The following NRSN2 variants were observed in gnomAD, a reference collection of about 807,000 sequenced individuals.
The protein encoded by NRSN2 is neurensin-2.
In NRSN2, 10 loss-of-function variants were observed where a neutral mutation model predicts 11.1. The observed-to-expected ratio is 0.90, with a 90% confidence interval of 0.56 to 1.53. The LOEUF is 1.53. Ranked by LOEUF, NRSN2 falls within the 40% of genes most tolerant of loss-of-function variation. The probability of loss-of-function intolerance (pLI) is 0.00; values close to 1 mark genes in which losing one functional copy is unlikely to be tolerated. For synonymous variants in NRSN2, 100 were observed against 117.0 expected (o/e 0.86, Z 0.94); for missense variants, 260 against 273.7 (o/e 0.95, Z 0.35).
chr20:349,636 AG>A lies in NRSN2; in HGVS notation c.-4del. 2 of 1,607,816 alleles carry A rather than the reference AG, an allele frequency of 1.2e-6. No homozygotes were observed. The highest frequency in any genetic ancestry group is 1.1e-5 in the South Asian group (1 of 90,772). ...GTCAGCTGCACCTTACCTGCTCCCC[AG>A]GGGTCCATGATGCCGAGCTGCAATC... On this transcript the variant is annotated splice_acceptor_variant, in intron 3 of 4. Transcript: ENST00000382285. LOFTEE classifies it low-confidence loss of function (5UTR_SPLICE).
chr20:351,448 C>T (rs1044797358), intron 4 of NRSN2, among the ~76,000 whole-genome samples: 12 of 152,204 alleles, frequency 7.9e-5, no homozygotes, highest in African/African-American at 2.6e-4. Context: ...CCAGGAGGAT[C>T]GTTTGAGCCC....
intron 2 of NRSN2, among the ~76,000 whole-genome samples, chr20:348,968 T>C (rs545028340): frequency 5.3e-5 from 8 of 152,252 alleles, no homozygotes; most frequent in African/African-American, 7.2e-5. Context: ...TCAAAATTCA[T>C]TGGAATCTGG....
intron 4 of NRSN2, 38 bp downstream of exon 4, chr20:349,870 T>G (rs113248010): frequency 6.4e-7 from 1 of 1,563,218 alleles, no homozygotes; most frequent in African/African-American, 1.4e-5. Flanking sequence ...TTCCTCTGCC[T>G]TGATGGAGGA....
chr20:349,829 G>T lies in NRSN2; in HGVS notation c.186G>T (p.Trp62Cys), dbSNP rs1166140234. 21 of 1,612,670 alleles carry T rather than the reference G, an allele frequency of 1.3e-5. No homozygotes were observed. The highest frequency in any genetic ancestry group is 1.8e-5 in the Non-Finnish European group (21 of 1,179,688). The change falls in exon 4 of 5, where the codon TGG becomes TGT. Residue 62 changes from tryptophan (W) to cysteine (C), a missense_variant. Coordinates refer to ENST00000382285, the MANE Select transcript of NRSN2 (RefSeq NM_001323682.2). ...GCCGGCCCTGGCCCTCACTGTGTTG[G>T]AAGGTAAGGCCAGATGAGCACCTCC... ...CPRRPWPSLC[W>C]KISLSSGTLL...
intron 2 of NRSN2, among the ~76,000 whole-genome samples, chr20:348,602 T>G (rs1014672387): frequency 1.3e-5 from 2 of 150,908 alleles, no homozygotes; most frequent in African/African-American, 2.4e-5. Flanking sequence ...TTCGGTGAGT[T>G]TCTCTATGCA....
At chr20:349,423 C>T (rs1453559977) in intron 3 of NRSN2, 60 bp downstream of exon 3, 1 of 463,432 alleles carries the variant, frequency 2.2e-6, no homozygotes, top group African/African-American at 2.0e-5. Flanking sequence ...TTGCCAGGCA[C>T]TGGGCTAAGG....
At chr20:352,121 C>T (rs897488652) in intron 4 of NRSN2, among the ~76,000 whole-genome samples, 1 of 152,180 alleles carries the variant, frequency 6.6e-6, no homozygotes, top group South Asian at 2.1e-4. Context: ...AGGTTCATCT[C>T]ACTTAAATCT....
intron 4 of NRSN2, among the ~76,000 whole-genome samples, chr20:350,082 G>C (rs947267775): frequency 6.6e-6 from 1 of 152,200 alleles, no homozygotes; most frequent in Non-Finnish European, 1.5e-5. Flanking sequence ...GCTCATGCCT[G>C]TAATCCCAGC....
chr20:352,873 A>G (rs2014079628), intron 4 of NRSN2, among the ~76,000 whole-genome samples: 1 of 152,172 alleles, frequency 6.6e-6, no homozygotes, highest in East Asian at 1.9e-4. Flanking sequence ...GAGGTTTGAG[A>G]TGAGATCTGA....
chr20:350,689 G>GA (rs1323693591), intron 4 of NRSN2, among the ~76,000 whole-genome samples: 4 of 144,476 alleles, frequency 2.8e-5, no homozygotes, highest in African/African-American at 1.0e-4. Context: ...AAAAAGAAGG[G>GA]AAAATGTTGC....
chr20:352,602 T>C (rs1400313709), intron 4 of NRSN2, among the ~76,000 whole-genome samples: 2 of 152,248 alleles, frequency 1.3e-5, no homozygotes, highest in Non-Finnish European at 2.9e-5. Flanking sequence ...GTTTATTTAA[T>C]CATTCAGCAA....
Position 353,849 on chromosome 20 carries a change from TC to T in NRSN2, c.*216del. ...GCATTCCTCAAGTCCTCCCAAAACTTCCTACCCACACCCTCTTCCCAAGGCC... is the reference window on the plus strand; with the variant it reads ...GCATTCCTCAAGTCCTCCCAAAACTTCTACCCACACCCTCTTCCCAAGGCC... On this transcript the variant is annotated 3_prime_UTR_variant, in exon 5 of 5. Coordinates refer to ENST00000382285, the MANE Select transcript of NRSN2 (RefSeq NM_001323682.2). 3.5e-6 allele frequency: 2 copies of T among 568,686 alleles called. No homozygotes were observed. The highest frequency in any genetic ancestry group is 6.1e-6 in the Non-Finnish European group (2 of 325,862). 35.2% of individuals were successfully genotyped at this position (568,686 alleles called of 1,614,324 possible).
chr20:349,456 G>C (rs1055021875), intron 3 of NRSN2, 93 bp downstream of exon 3: 1 of 549,122 alleles, frequency 1.8e-6, no homozygotes, highest in Non-Finnish European at 3.2e-6. Context: ...TGGCTCATTC[G>C]CAGTGTGCTT....
intron 4 of NRSN2, among the ~76,000 whole-genome samples, chr20:352,697 A>G (rs1179255301): frequency 6.6e-6 from 1 of 152,238 alleles, no homozygotes; most frequent in Non-Finnish European, 1.5e-5. Context: ...GTCTGCTCTC[A>G]TGGAGCTCTC....
chr20:350,860 C>T (rs932521782), intron 4 of NRSN2, among the ~76,000 whole-genome samples: 3 of 151,988 alleles, frequency 2.0e-5, no homozygotes, highest in Admixed American at 1.3e-4. Flanking sequence ...AGACTCTCCC[C>T]ACATGTTCCC....
chr20:353,948 C>T lies in NRSN2; in HGVS notation c.*313C>T, dbSNP rs1484073657. 7.8e-6 allele frequency: 3 copies of T among 383,838 alleles called. No individual in the cohort carries two copies. Among genetic ancestry groups the T allele is most frequent in the African/African-American group, 2.1e-5 (1 of 47,224 alleles). The allele number at this position is 383,838 out of a possible 1,614,324, so 23.8% of individuals were successfully genotyped here. On this transcript the variant is annotated 3_prime_UTR_variant, in exon 5 of 5. Coordinates refer to ENST00000382285, the MANE Select transcript of NRSN2 (RefSeq NM_001323682.2). Reference sequence around the variant, plus strand: ...TGCATGACCTTGGGCAAACCCTTGCCCTTTCAAGCCATCAGCTCCTGCCTC... The same window carrying T: ...TGCATGACCTTGGGCAAACCCTTGCTCTTTCAAGCCATCAGCTCCTGCCTC...
At position 349,691 on chromosome 20, in the gene NRSN2, C is replaced by T. The variant is rs765956741; in HGVS notation, c.48C>T (p.Ser16=). The change falls in exon 4 of 5, where the codon AGC becomes AGT. Residue 16 remains serine, a synonymous_variant. Coordinates refer to ENST00000382285, the MANE Select transcript of NRSN2 (RefSeq NM_001323682.2). Reference sequence around the variant, plus strand: ...CCTGCAGCTGCAGCCGCGGCCCCAGCGTGGAGGATGGCAAGTGGTATGGGG... The same window carrying T: ...CCTGCAGCTGCAGCCGCGGCCCCAGTGTGGAGGATGGCAAGTGGTATGGGG... ...NRSCSCSRGP[S]VEDGKWYGVR... 1.4e-5 allele frequency: 22 copies of T among 1,613,106 alleles called. No individual in the cohort carries two copies. The highest frequency in any genetic ancestry group is 1.2e-4 in the African/African-American group (9 of 74,902).
In NRSN2 at chr20:347,742, C is replaced by T. The variant is rs2013537573; in HGVS notation, c.-122+230C>T. ...TCCGCCCGTGCCTGCCGCCCCTCGC[C>T]TCCTCCCTCCGCCGCAGTCTCCCCA... On this transcript the variant is annotated intron_variant, in intron 2 of 4. Coordinates refer to ENST00000382285, the MANE Select transcript of NRSN2 (RefSeq NM_001323682.2). This position sits in a 1 kb window ranked among gnomAD's most constrained non-coding sequence, Gnocchi z 7.0. 6.6e-6 allele frequency among the ~76,000 whole-genome samples: 1 copy of T among 152,210 alleles called. No homozygotes were observed. Among genetic ancestry groups the T allele is most frequent in the African/African-American group, 2.4e-5 (1 of 41,450 alleles).
chr20:350,320 A>G (rs2013831040), intron 4 of NRSN2, among the ~76,000 whole-genome samples: 1 of 151,994 alleles, frequency 6.6e-6, no homozygotes, highest in African/African-American at 2.4e-5. Context: ...CTGTACTAAA[A>G]ATACAAAAAT....
Sources: gnomAD v4.1 joint callset for allele counts (sites outside exome capture counted in the v4.1 genomes callset) on GRCh38, gnomAD v4.1.1 for gene constraint, Gnocchi (gnomAD v3.1) non-coding constraint, MANE v1.5 for transcripts, NCBI Gene and HGNC (gene_info 2026-07-23, HGNC 2026-07-21) for gene names.